Variants in GOLGA4 observed in about 807,000 individuals in gnomAD.
The protein encoded by GOLGA4 is golgin subfamily A member 4.
Under a neutral mutation model 265.9 loss-of-function variants are expected in GOLGA4, and 169 were observed. The ratio of observed to expected loss-of-function variants is 0.64; its 90% confidence interval spans 0.56 to 0.72. GOLGA4 has a LOEUF of 0.72. Among genes scored for constraint, GOLGA4 ranks in the 30% least tolerant of loss-of-function variants. The probability of loss-of-function intolerance (pLI) is 0.00; values close to 1 mark genes in which losing one functional copy is unlikely to be tolerated. For synonymous variants in GOLGA4, 923 were observed against 855.8 expected (o/e 1.08, Z -1.37); for missense variants, 2,482 against 2,483.4 (o/e 1.00, Z 0.01).
rs189022869 is a variant in GOLGA4, at chr3:37,328,662, A to G, written c.6061+125A>G. 199 of 934,654 alleles carry G rather than the reference A, an allele frequency of 2.1e-4. No individual in the cohort carries two copies. In the East Asian group the frequency reaches 5.2e-3, roughly 25 times the overall value. The allele number at this position is 934,654 out of a possible 1,614,324, so 57.9% of individuals were successfully genotyped here. ...ACTGGGGAAGAAATAATCCTTGCCC[A>G]ATAACATTCTCTAATGGGAACCTGC... On this transcript the variant is annotated intron_variant, in intron 15 of 23. Coordinates refer to ENST00000361924, the MANE Select transcript of GOLGA4 (RefSeq NM_002078.5).
chr3:37,257,822 G>A (rs1248304114), intron 2 of GOLGA4, among the ~76,000 whole-genome samples: 2 of 148,856 alleles, frequency 1.3e-5, no homozygotes, highest in African/African-American at 5.0e-5. Flanking sequence ...TTATCCTGGG[G>A]CCTTATCCAC....
chr3:37,281,744 C>G (rs1172359457), intron 2 of GOLGA4, among the ~76,000 whole-genome samples: 1 of 152,196 alleles, frequency 6.6e-6, no homozygotes, highest in Non-Finnish European at 1.5e-5. Flanking sequence ...GGTGACAGAC[C>G]TGGGACCTGC....
chr3:37,364,937 G>A (rs564055194), intron 23 of GOLGA4, among the ~76,000 whole-genome samples: 3 of 151,442 alleles, frequency 2.0e-5, no homozygotes, highest in South Asian at 2.1e-4. Flanking sequence ...TGTCACTGTC[G>A]CCAAGCCTGG....
At chr3:37,248,667 C>T (rs534886249) in intron 1 of GOLGA4, among the ~76,000 whole-genome samples, 2 of 152,198 alleles carry the variant, frequency 1.3e-5, no homozygotes, top group African/African-American at 2.4e-5. Context: ...CCAGATAGTA[C>T]TACTTTTCTA....
intron 2 of GOLGA4, among the ~76,000 whole-genome samples, chr3:37,272,915 A>G (rs995419803): frequency 1.3e-5 from 2 of 152,184 alleles, no homozygotes; most frequent in African/African-American, 2.4e-5. Context: ...CATGAAATCT[A>G]TGCCAGTATG....
At chr3:37,318,923 A>G in intron 11 of GOLGA4, 140 bp from the exon 12 acceptor site, 2 of 570,308 alleles carry the variant, frequency 3.5e-6, no homozygotes, top group South Asian at 5.9e-5. Context: ...TCTATGCAGG[A>G]AATGTGTTTT....
In GOLGA4 at chr3:37,323,908, G is replaced by T; in HGVS notation, c.2022G>T (p.Lys674Asn). ...FQAHIEEMNEKTLEKLDVKQT... is the reference protein window; with the variant it reads ...FQAHIEEMNENTLEKLDVKQT... ...CCCACATAGAAGAAATGAATGAAAA[G>T]ACTTTAGAAAAGCTTGATGTGAAGC... The change falls in exon 14 of 24, where the codon AAG becomes AAT. Residue 674 changes from lysine to asparagine, a missense_variant. Around this residue, in one of 3 missense-constraint regions of GOLGA4, gnomAD observed 1,536 missense variants for 1,483.7 expected, o/e 1.04. Coordinates refer to ENST00000361924, the MANE Select transcript of GOLGA4 (RefSeq NM_002078.5). 1.2e-6 allele frequency: 2 copies of T among 1,613,588 alleles called. No homozygotes were observed. The highest frequency in any genetic ancestry group is 8.5e-7 in the Non-Finnish European group (1 of 1,179,834).
chr3:37,269,304 A>T (rs2096791863), intron 2 of GOLGA4, among the ~76,000 whole-genome samples: 1 of 152,224 alleles, frequency 6.6e-6, no homozygotes, highest in African/African-American at 2.4e-5. Flanking sequence ...TTGAGCCCTT[A>T]CTACTAGTCA....
chr3:37,273,716 T>C (rs2096805234), intron 2 of GOLGA4: 1 of 680,358 alleles, frequency 1.5e-6, no homozygotes, highest in Non-Finnish European at 2.6e-6. Flanking sequence ...AAATATTCAG[T>C]ACAGTATATA....
intron 23 of GOLGA4, among the ~76,000 whole-genome samples, chr3:37,362,243 T>TA (rs1446910369): frequency 2.6e-5 from 3 of 116,472 alleles, no homozygotes; most frequent in African/African-American, 9.4e-5. Flanking sequence ...ATTTATTATT[T>TA]TTTTTTTTTT....
chr3:37,331,944 T>A (rs527504543), intron 16 of GOLGA4, among the ~76,000 whole-genome samples: 1 of 152,308 alleles, frequency 6.6e-6, no homozygotes, highest in East Asian at 1.9e-4. Flanking sequence ...GAGAATCATG[T>A]TGCTTGTTCC....
Position 37,243,619 on chromosome 3 carries a change from T to C in GOLGA4, c.69T>C (p.Ala23=), listed in dbSNP as rs750570575. Reference sequence around the variant, plus strand: ...AGCTCCAGCAGGCGCTGGCTCCTGCTCAGGTACGATGGCCGCCGCTCTCCT... The same window carrying C: ...AGCTCCAGCAGGCGCTGGCTCCTGCCCAGGTACGATGGCCGCCGCTCTCCT... ...QQQLQQALAP[A]QASSNSSTPT... Residue 23 remains alanine (A), a synonymous_variant, in exon 1 of 24, where the codon GCT becomes GCC. Coordinates refer to ENST00000361924, the MANE Select transcript of GOLGA4 (RefSeq NM_002078.5). 7 of 1,611,130 alleles carry C rather than the reference T, an allele frequency of 4.3e-6. No homozygotes were observed. The highest frequency in any genetic ancestry group is 1.1e-5 in the South Asian group (1 of 91,036).
intron 19 of GOLGA4, among the ~76,000 whole-genome samples, chr3:37,339,132 G>A (rs1255682272): frequency 6.6e-6 from 1 of 152,100 alleles, no homozygotes; most frequent in African/African-American, 2.4e-5. Context: ...AAAGTGCTGG[G>A]ATTACAGGCA....
In GOLGA4 at chr3:37,326,230, A is replaced by T; in HGVS notation, c.4344A>T (p.Lys1448Asn). The change falls in exon 14 of 24, where the codon AAA becomes AAT. Residue 1448 changes from lysine (K) to asparagine (N), a missense_variant. This residue lies in a region of GOLGA4 where 942 missense variants were observed against 983.1 expected (regional missense o/e 0.96). Transcript: ENST00000361924. The part of the protein sequence containing the change: ...WSNKFSEWKK[K>N]AQSRFTQHQN... The stretch of plus-strand genomic sequence containing the variant: ...ATAAATTCTCAGAATGGAAGAAGAA[A>T]GCACAGTCAAGATTTACACAGCATC... 1 of 1,613,790 alleles carries T rather than the reference A, an allele frequency of 6.2e-7. No individual in the cohort carries two copies. The highest frequency in any genetic ancestry group is 8.5e-7 in the Non-Finnish European group (1 of 1,179,724).
Position 37,243,494 on chromosome 3 carries a change from C to T in GOLGA4, c.-57C>T. On this transcript the variant is annotated 5_prime_UTR_variant, in exon 1 of 24. Transcript: ENST00000361924. The stretch of plus-strand genomic sequence containing the variant: ...GCCGTAGCCGTCGCGGCCGGGACTC[C>T]CCGGGCTCTCGCCCTTCAGGTTTCG... 2 of 1,520,074 alleles carry T rather than the reference C, an allele frequency of 1.3e-6. No individual in the cohort carries two copies. Among genetic ancestry groups the T allele is most frequent in the Non-Finnish European group, 1.8e-6 (2 of 1,094,648 alleles). The allele number at this position is 1,520,074 out of a possible 1,614,324, so 94.2% of individuals were successfully genotyped here. A position where few individuals can be genotyped will look rare whatever the true frequency, so the allele number is the denominator to read the frequency against.
At chr3:37,259,263 A>G (rs2096762817) in intron 2 of GOLGA4, among the ~76,000 whole-genome samples, 1 of 152,174 alleles carries the variant, frequency 6.6e-6, no homozygotes, top group Non-Finnish European at 1.5e-5. Flanking sequence ...AATTAAACTA[A>G]ATTTGGCCTG....
chr3:37,325,622 A>G lies in GOLGA4; in HGVS notation c.3736A>G (p.Ile1246Val), dbSNP rs2096967942. The G allele has an allele frequency of 1.2e-6, 2 of 1,613,408 alleles. No homozygotes were observed. The highest frequency in any genetic ancestry group is 1.7e-6 in the Non-Finnish European group (2 of 1,179,454). ...INISSSKTNA[I>V]LSRISHCQHR... is the part of the protein sequence containing the mutation. ...CATTAGTAGTAGTAAAACTAATGCC[A>G]TTCTTTCTAGGATTTCTCATTGTCA... Residue 1246 changes from isoleucine to valine, a missense_variant, in exon 14 of 24, where the codon ATT becomes GTT. Ile to Val is a conservative substitution (Grantham distance 29). Around this residue, in one of 3 missense-constraint regions of GOLGA4, gnomAD observed 1,536 missense variants for 1,483.7 expected, o/e 1.04. Coordinates refer to ENST00000361924, the MANE Select transcript of GOLGA4 (RefSeq NM_002078.5).
In GOLGA4 at chr3:37,326,753, A is replaced by T; in HGVS notation, c.4867A>T (p.Lys1623Ter). ...TGTGAAAAGCAAAGAGGAGGAGTTA[A>T]AGGCATTGGAAGATAGGCTTGAGTC... is the stretch of plus-strand genomic sequence containing the variant. Reference protein sequence around the residue: ...LSVKSKEEELKALEDRLESES... With the variant: ...LSVKSKEEEL The change falls in exon 14 of 24, where the codon AAG becomes TAG. Residue 1623 changes from lysine (K) to a stop codon, truncating the protein, a stop_gained. Coordinates refer to ENST00000361924, the MANE Select transcript of GOLGA4 (RefSeq NM_002078.5). LOFTEE classifies it high-confidence loss of function. 1 of 1,613,686 alleles carries T rather than the reference A, an allele frequency of 6.2e-7. No individual in the cohort carries two copies. Among genetic ancestry groups the T allele is most frequent in the Non-Finnish European group, 8.5e-7 (1 of 1,179,662 alleles).
chr3:37,274,065 A>G (rs983839292), intron 2 of GOLGA4, among the ~76,000 whole-genome samples: 12 of 148,612 alleles, frequency 8.1e-5, no homozygotes, highest in South Asian at 4.2e-4. Flanking sequence ...GTGCCACTGC[A>G]CTCCAGCCTG....
Sources: gnomAD v4.1 joint callset for allele counts (sites outside exome capture counted in the v4.1 genomes callset) on GRCh38, gnomAD v4.1.1 for gene constraint, gnomAD v4.1.1 regional missense constraint, MANE v1.5 for transcripts, NCBI Gene and HGNC (gene_info 2026-07-23, HGNC 2026-07-21) for gene names.